ARMC6: variants seen among roughly 807,000 people sequenced by gnomAD.
ARMC6 encodes armadillo repeat-containing protein 6.
Under a neutral mutation model 49.2 loss-of-function variants are expected in ARMC6, and 43 were observed. That is an observed-to-expected ratio of 0.87 (90% confidence interval 0.69 to 1.13). The LOEUF (loss-of-function observed/expected upper bound fraction) is 1.13. Among genes scored for constraint, ARMC6 ranks in the 50% most tolerant of loss-of-function variants. The pLI is 0.00. For missense variants in ARMC6, 627 were observed against 682.0 expected (o/e 0.92, Z 0.90); for synonymous variants, 262 against 289.6 (o/e 0.90, Z 0.97).
At chr19:19,034,919 T>A (rs1453371980) in intron 2 of ARMC6, among the ~76,000 whole-genome samples, 1 of 150,536 alleles carries the variant, frequency 6.6e-6, no homozygotes, top group African/African-American at 2.5e-5. Context: ...TGGAGTGCAG[T>A]GGCGCAATCT....
At chr19:19,045,228 G>A (rs2059439718) in intron 4 of ARMC6, among the ~76,000 whole-genome samples, 1 of 152,100 alleles carries the variant, frequency 6.6e-6, no homozygotes, top group Non-Finnish European at 1.5e-5. Flanking sequence ...GGCCAGGCTG[G>A]TCTCGAACTC....
chr19:19,042,762 C>A lies in ARMC6; in HGVS notation c.81C>A (p.Val27=). The change falls in exon 3 of 9, where the codon GTC becomes GTA. Residue 27 remains valine, a synonymous_variant. Coordinates refer to ENST00000535612, the MANE Select transcript of ARMC6 (RefSeq NM_001199196.2). ...CAACATCAACACAGGCGAAGATGGT[C>A]TCCAAGCGCATTGCCCAGGAGACCT... ...CTPTSTQAKM[V]SKRIAQETFD... The A allele has an allele frequency of 6.2e-7, 1 of 1,613,894 alleles. No individual in the cohort carries two copies.
At chr19:19,051,387 G>A (rs1383102081) in intron 4 of ARMC6, among the ~76,000 whole-genome samples, 2 of 132,706 alleles carry the variant, frequency 1.5e-5, no homozygotes, top group Admixed American at 7.5e-5. Context: ...GTGTGTGTGT[G>A]TGTGTGTGTG....
chr19:19,037,477 C>G (rs1470295149), intron 2 of ARMC6: 2 of 391,712 alleles, frequency 5.1e-6, no homozygotes, highest in African/African-American at 4.3e-5. Flanking sequence ...CCCTGGGCTC[C>G]CACCTCAGCC....
At position 19,051,453 on chromosome 19, in the gene ARMC6, CCT is replaced by C. The variant is rs1201966915; in HGVS notation, c.280-168_280-167del. ...GCTATGGCCTCTGAAGCTCAAAGCT[CCT>C]AGAATCACAGGTCTGGAAGTTGCCA... On this transcript the variant is annotated intron_variant, in intron 4 of 8. Coordinates refer to ENST00000535612, the MANE Select transcript of ARMC6 (RefSeq NM_001199196.2). Among the ~76,000 whole-genome samples, 3 of 150,746 alleles carry C rather than the reference CCT, an allele frequency of 2.0e-5. No individual in the cohort carries two copies. The East Asian group carries it at 5.9e-4, about 29-fold the overall frequency.
chr19:19,039,966 T>C (rs2059398803), intron 2 of ARMC6, among the ~76,000 whole-genome samples: 1 of 152,222 alleles, frequency 6.6e-6, no homozygotes, highest in African/African-American at 2.4e-5. Context: ...CACACATGGC[T>C]ATTTACATTA....
intron 2 of ARMC6, among the ~76,000 whole-genome samples, chr19:19,037,891 C>G (rs2059383099): frequency 6.6e-6 from 1 of 152,140 alleles, no homozygotes; most frequent in Non-Finnish European, 1.5e-5. Context: ...GGTCACAGAC[C>G]CATACTGGTC....
intron 2 of ARMC6, 29 bp from the exon 3 acceptor site, chr19:19,042,682 G>A: frequency 6.2e-7 from 1 of 1,608,890 alleles, no homozygotes; most frequent in Non-Finnish European, 8.5e-7. Context: ...CACCCTTGAG[G>A]TAGCTCTCTC....
chr19:19,055,043 C>T lies in ARMC6; in HGVS notation c.1024-222C>T, dbSNP rs2059531845. On this transcript the variant is annotated intron_variant, in intron 6 of 8. Coordinates refer to ENST00000535612, the MANE Select transcript of ARMC6 (RefSeq NM_001199196.2). This position sits in a 1 kb window ranked among gnomAD's most constrained non-coding sequence, Gnocchi z 5.7. Reference sequence around the variant, plus strand: ...TGAAGGCCGGCCTGAGTCACATGCCCCCGCTGCCCCTGTCGGGGTAGGGGA... The same window carrying T: ...TGAAGGCCGGCCTGAGTCACATGCCTCCGCTGCCCCTGTCGGGGTAGGGGA... Among the ~76,000 whole-genome samples, 1 of 152,188 alleles carries T rather than the reference C, an allele frequency of 6.6e-6. No homozygotes were observed. The highest frequency in any genetic ancestry group is 1.5e-5 in the Non-Finnish European group (1 of 68,024).
intron 1 of ARMC6, 44 bp from the exon 2 acceptor site, chr19:19,034,087 C>T: frequency 1.4e-6 from 1 of 690,150 alleles, no homozygotes; most frequent in Admixed American, 2.6e-5. Context: ...CCTCGGCTTC[C>T]CTGGCATTCG....
At chr19:19,043,330 C>T (rs985182522) in intron 3 of ARMC6, among the ~76,000 whole-genome samples, 4 of 152,172 alleles carry the variant, frequency 2.6e-5, no homozygotes, top group Non-Finnish European at 4.4e-5. Context: ...CAACTAGCTC[C>T]GGCAGAGACC....
intron 4 of ARMC6, among the ~76,000 whole-genome samples, chr19:19,050,728 T>C (rs144902741): frequency 8.5e-5 from 13 of 152,360 alleles, no homozygotes; most frequent in African/African-American, 3.1e-4. Context: ...CATTGTAACA[T>C]ATACTTAGGT....
Position 19,033,833 on chromosome 19 carries a change from C to T in ARMC6, c.-177C>T. 3.6e-6 allele frequency: 1 copy of T among 274,640 alleles called. No homozygotes were observed. The highest frequency in any genetic ancestry group is 5.1e-5 in the Admixed American group (1 of 19,526). 17.0% of individuals were successfully genotyped at this position (274,640 alleles called of 1,614,324 possible). On this transcript the variant is annotated 5_prime_UTR_variant, in exon 1 of 9. Transcript: ENST00000535612. Reference sequence around the variant, plus strand: ...TGGGAGGCCAAGCCTAGGGGCGCCACAGCGCCTGCGCGCGTACGGCGGCCG... The same window carrying T: ...TGGGAGGCCAAGCCTAGGGGCGCCATAGCGCCTGCGCGCGTACGGCGGCCG...
Position 19,044,048 on chromosome 19 carries a change from C to T in ARMC6, c.253C>T (p.Gln85Ter), listed in dbSNP as rs745652758. Residue 85 changes from glutamine (Q) to a stop codon, truncating the protein, a stop_gained, in exon 4 of 9, where the codon CAG becomes TAG. Coordinates refer to ENST00000535612, the MANE Select transcript of ARMC6 (RefSeq NM_001199196.2). LOFTEE classifies it high-confidence loss of function. ...TAPKVSADGS[Q>*]EPTHDILQML... ...ACCTAAAGTCTCTGCAGACGGATCCCAGGAGCCCACACATGACATCCTGCA... is the reference window on the plus strand; with the variant it reads ...ACCTAAAGTCTCTGCAGACGGATCCTAGGAGCCCACACATGACATCCTGCA... The T allele has an allele frequency of 6.2e-7, 1 of 1,614,122 alleles. No homozygotes were observed.
intron 4 of ARMC6, among the ~76,000 whole-genome samples, chr19:19,048,410 C>T (rs1331329769): frequency 6.6e-6 from 1 of 151,896 alleles, no homozygotes; most frequent in Non-Finnish European, 1.5e-5. Flanking sequence ...ATAATCCCAG[C>T]TACTTGGGAG....
intron 8 of ARMC6, 122 bp from the exon 9 acceptor site, chr19:19,057,294 C>T: frequency 1.3e-6 from 1 of 781,122 alleles, no homozygotes; most frequent in Non-Finnish European, 2.1e-6. Context: ...ACAGTATAGG[C>T]AGCTGCTGGA....
chr19:19,041,909 A>C (rs2059414417), intron 2 of ARMC6, among the ~76,000 whole-genome samples: 1 of 151,898 alleles, frequency 6.6e-6, no homozygotes, highest in South Asian at 2.1e-4. Context: ...CGATGTTAGA[A>C]TCTTTTTTTT....
chr19:19,048,969 C>G (rs1306763996), intron 4 of ARMC6, among the ~76,000 whole-genome samples: 1 of 152,062 alleles, frequency 6.6e-6, no homozygotes. Context: ...TTGACCGCCA[C>G]TTCCCATCAT....
At chr19:19,043,082 T>A (rs1196982285) in intron 3 of ARMC6, among the ~76,000 whole-genome samples, 1 of 152,200 alleles carries the variant, frequency 6.6e-6, no homozygotes, top group Non-Finnish European at 1.5e-5. Flanking sequence ...GCCCAGATAT[T>A]TGTGGGCTGG....
Sources: allele counts gnomAD v4.1 joint callset (sites outside exome capture counted in the v4.1 genomes callset), GRCh38; gene constraint gnomAD v4.1.1; non-coding constraint Gnocchi (gnomAD v3.1); transcripts MANE v1.5; gene names NCBI Gene and HGNC (gene_info 2026-07-23, HGNC 2026-07-21).